The following ANKRD44 variants were observed in gnomAD, a reference collection of about 807,000 sequenced individuals.
ANKRD44 encodes the protein ankyrin repeat domain 44.
A neutral mutation model predicts 116.0 loss-of-function variants in ANKRD44; 35 were observed. The ratio of observed to expected loss-of-function variants is 0.30; its 90% CI spans 0.23 to 0.40. The LOEUF is 0.40. ANKRD44 is among the 10% of genes least tolerant of loss of function. ANKRD44 has a pLI of 1.00. For missense variants in ANKRD44, 1,014 were observed against 1,242.6 expected, an observed-to-expected ratio of 0.82 and a Z score of 2.77; for synonymous variants, 435 against 461.8, an observed-to-expected ratio of 0.94 and a Z score of 0.74.
chr2:197,217,453 T>C (rs1169778084), intron 1 of ANKRD44, among the ~76,000 whole-genome samples: 1 of 152,196 alleles, frequency 6.6e-6, no homozygotes, highest in Non-Finnish European at 1.5e-5. Context: ...CCCACCAAAA[T>C]TCAAGTGATT....
chr2:197,223,996 G>A (rs1293126788), intron 1 of ANKRD44, among the ~76,000 whole-genome samples: 2 of 147,844 alleles, frequency 1.4e-5, no homozygotes, highest in Non-Finnish European at 3.0e-5. Context: ...GTCCGTATGT[G>A]TTATAGAATG....
chr2:197,157,443 G>A (rs942059619), intron 2 of ANKRD44, among the ~76,000 whole-genome samples: 1 of 152,128 alleles, frequency 6.6e-6, no homozygotes, highest in African/African-American at 2.4e-5. Flanking sequence ...GGGAGGCCAA[G>A]GTAGGTGGAT....
At chr2:197,095,454 C>T (rs187898479) in intron 10 of ANKRD44, among the ~76,000 whole-genome samples, 66 of 152,354 alleles carry the variant, frequency 4.3e-4, no homozygotes, top group Middle Eastern at 3.4e-3. Flanking sequence ...GCCAAGTCCA[C>T]TGTTCCACCA....
intron 17 of ANKRD44, among the ~76,000 whole-genome samples, chr2:197,018,001 C>A (rs2076423538): frequency 6.6e-6 from 1 of 152,316 alleles, no homozygotes; most frequent in Non-Finnish European, 1.5e-5. Context: ...AGGAATCTGG[C>A]CTAATTCTCA....
intron 20 of ANKRD44, among the ~76,000 whole-genome samples, chr2:197,006,113 C>G (rs548008462): frequency 6.6e-6 from 1 of 151,986 alleles, no homozygotes; most frequent in Non-Finnish European, 1.5e-5. Context: ...TCAGCATTTT[C>G]GAAATATCTC....
intron 1 of ANKRD44, among the ~76,000 whole-genome samples, chr2:197,220,167 C>A (rs1274468273): frequency 6.6e-6 from 1 of 152,172 alleles, no homozygotes; most frequent in Non-Finnish European, 1.5e-5. Context: ...CTAATCCTTT[C>A]TTTGTGGCAG....
intron 26 of ANKRD44, among the ~76,000 whole-genome samples, chr2:196,994,341 G>A (rs768832754): frequency 1.7e-4 from 25 of 151,318 alleles, no homozygotes; most frequent in Non-Finnish European, 2.1e-4. Flanking sequence ...GCAAACCACT[G>A]TGGCTGGCTA....
chr2:196,985,957 A>G (rs2075833879), downstream of ANKRD44, among the ~76,000 whole-genome samples: 1 of 152,198 alleles, frequency 6.6e-6, no homozygotes. Flanking sequence ...TAATGGTGAC[A>G]ATACCAAAGT....
At chr2:197,171,232 A>G (rs1335333401) in intron 2 of ANKRD44, among the ~76,000 whole-genome samples, 2 of 152,198 alleles carry the variant, frequency 1.3e-5, no homozygotes, top group Non-Finnish European at 2.9e-5. Context: ...TTTGAAGATG[A>G]TAGTGGCCAA....
At chr2:197,298,223 A>G (rs888495708) in intron 1 of ANKRD44, among the ~76,000 whole-genome samples, 1 of 152,250 alleles carries the variant, frequency 6.6e-6, no homozygotes, top group Non-Finnish European at 1.5e-5. Flanking sequence ...AATTAAAAGC[A>G]TAGTTTAAAA....
chr2:197,177,330 A>C (rs2080389384), intron 2 of ANKRD44, among the ~76,000 whole-genome samples: 1 of 152,206 alleles, frequency 6.6e-6, no homozygotes, highest in South Asian at 2.1e-4. Flanking sequence ...TAGAAGAAAG[A>C]AAAGAATTCT....
At chr2:197,169,842 G>A (rs1218789887) in intron 2 of ANKRD44, among the ~76,000 whole-genome samples, 1 of 151,992 alleles carries the variant, frequency 6.6e-6, no homozygotes, top group Admixed American at 6.6e-5. Context: ...TATGTCTCGA[G>A]GTATATTCCA....
chr2:196,993,583 C>A lies in ANKRD44; in HGVS notation c.2923G>T (p.Ala975Ser), dbSNP rs1333706577. 6.4e-7 allele frequency: 1 copy of A among 1,550,502 alleles called. No individual in the cohort carries two copies. The highest frequency in any genetic ancestry group is 2.0e-5 in the Admixed American group (1 of 51,004). ...GACVLAVDEN[A>S]SRSNGPRSTP... ...GTCGCTGTTGACTTTTTCCACTTAC[C>A]ATTTTCATCTACAGCAAGTACACAG... The change falls in exon 27 of 28, where the codon GCT (alanine) becomes TCT (serine). Residue 975 changes from alanine (A) to serine (S), a missense_variant and splice_region_variant. Ala to Ser is a moderately conservative substitution (Grantham distance 99, BLOSUM62 1). Transcript: ENST00000282272.
chr2:196,996,648 T>C (rs2125887915), intron 25 of ANKRD44, among the ~76,000 whole-genome samples: 2 of 152,292 alleles, frequency 1.3e-5, no homozygotes, highest in Middle Eastern at 6.8e-3. Context: ...CTCATGCCTG[T>C]AATCCTAGCA....
intron 21 of ANKRD44, among the ~76,000 whole-genome samples, chr2:197,004,632 G>A (rs1010707109): frequency 6.6e-6 from 1 of 151,998 alleles, no homozygotes; most frequent in African/African-American, 2.4e-5. Context: ...GCAAGCATGA[G>A]GAAAAACACT....
At chr2:197,084,212 A>C (rs574484831) in intron 13 of ANKRD44, among the ~76,000 whole-genome samples, 19 of 152,106 alleles carry the variant, frequency 1.2e-4, no homozygotes, top group Non-Finnish European at 2.8e-4. Flanking sequence ...GATGTACCCA[A>C]TAGGATAACC....
At chr2:197,102,778 C>T (rs1400324259) in intron 9 of ANKRD44, among the ~76,000 whole-genome samples, 3 of 152,022 alleles carry the variant, frequency 2.0e-5, no homozygotes, top group Non-Finnish European at 4.4e-5. Context: ...CTCAAACATA[C>T]AAACAAACTT....
intron 1 of ANKRD44, among the ~76,000 whole-genome samples, chr2:197,282,771 C>G (rs553791097): frequency 6.6e-6 from 1 of 152,238 alleles, no homozygotes; most frequent in Admixed American, 6.5e-5. Flanking sequence ...CCAGCCTGGC[C>G]AACATGGCGA....
In ANKRD44 at chr2:196,995,359, A is replaced by G. The variant is rs2075994427; in HGVS notation, c.2831+20T>C. 1.3e-6 allele frequency: 2 copies of G among 1,584,336 alleles called. No homozygotes were observed. Among genetic ancestry groups the G allele is most frequent in the South Asian group, 1.1e-5 (1 of 88,496 alleles). ...GACTATGACCCTGGGTTCAAGTCCA[A>G]CTTTAGTAGTTACACTTACGTCTGC... On this transcript the variant is annotated intron_variant, in intron 26 of 27. Coordinates refer to ENST00000282272, the MANE Select transcript of ANKRD44 (RefSeq NM_001195144.2).
Sources: allele counts gnomAD v4.1 joint callset (sites outside exome capture counted in the v4.1 genomes callset), GRCh38; gene constraint gnomAD v4.1.1; transcripts MANE v1.5; gene names NCBI Gene and HGNC (gene_info 2026-07-23, HGNC 2026-07-21).